DMXL1: variants seen among roughly 807,000 people sequenced by gnomAD.
DMXL1 encodes the protein Dmx like 1.
DMXL1 carries 99 observed loss-of-function variants against 319.2 expected under a neutral mutation model. That is an observed-to-expected ratio of 0.31 (90% CI 0.26 to 0.37). DMXL1 has a LOEUF of 0.37. Ranked by LOEUF, DMXL1 falls within the 10% of genes least tolerant of loss-of-function variation. The pLI is 1.00. For synonymous variants in DMXL1, 1,385 were observed against 1,235.2 expected (o/e 1.12, Z -2.54); for missense variants, 3,745 against 3,595.6 (o/e 1.04, Z -1.06).
intron 8 of DMXL1, among the ~76,000 whole-genome samples, chr5:119,120,549 T>G (rs759349079): frequency 1.1e-4 from 16 of 152,276 alleles, no homozygotes; most frequent in Non-Finnish European, 8.8e-5. Context: ...TTATGAAATG[T>G]TCCATGTGCA....
In DMXL1 at chr5:119,118,770, A is replaced by C. The variant is rs781056671; in HGVS notation, c.744-45A>C. 6 of 1,426,174 alleles carry C rather than the reference A, an allele frequency of 4.2e-6. No homozygotes were observed. In the African/African-American group the frequency reaches 8.6e-5, roughly 20 times the overall value. 88.3% of individuals were successfully genotyped at this position (1,426,174 alleles called of 1,614,324 possible). A position where few individuals can be genotyped will look rare whatever the true frequency, so the allele number is the denominator to read the frequency against. On this transcript the variant is annotated intron_variant, in intron 7 of 43. Transcript: ENST00000539542. ...AACATCGTAGAATTTCTGTGATACTATGTGAAATTTGTATTTTTGCTTCTA... is the reference window on the plus strand; with the variant it reads ...AACATCGTAGAATTTCTGTGATACTCTGTGAAATTTGTATTTTTGCTTCTA...
chr5:119,137,693 C>T (rs1766338139), intron 13 of DMXL1, among the ~76,000 whole-genome samples: 1 of 152,184 alleles, frequency 6.6e-6, no homozygotes, highest in African/African-American at 2.4e-5. Context: ...GCTTTCTTTC[C>T]TGCCACCTTG....
At chr5:119,227,563 G>A (rs1242643996) in intron 38 of DMXL1, among the ~76,000 whole-genome samples, 1 of 152,042 alleles carries the variant, frequency 6.6e-6, no homozygotes. Flanking sequence ...TCTTCTGTAA[G>A]GCAACCATGT....
chr5:119,161,001 T>C (rs936343882), intron 19 of DMXL1, among the ~76,000 whole-genome samples: 4 of 152,196 alleles, frequency 2.6e-5, no homozygotes, highest in Admixed American at 1.3e-4. Context: ...ATTGGAAATT[T>C]ATTAGTTTGT....
chr5:119,123,505 C>T (rs2149978492), intron 9 of DMXL1, among the ~76,000 whole-genome samples: 1 of 151,344 alleles, frequency 6.6e-6, no homozygotes, highest in African/African-American at 2.4e-5. Flanking sequence ...GTAGCAAGCT[C>T]ACTGATTTCT....
intron 32 of DMXL1, among the ~76,000 whole-genome samples, chr5:119,203,030 T>G (rs979924639): frequency 6.6e-6 from 1 of 151,542 alleles, no homozygotes; most frequent in African/African-American, 2.4e-5. Context: ...TGAAAACATA[T>G]GAAATTCAAA....
At position 119,149,612 on chromosome 5, in the gene DMXL1, T is replaced by G; in HGVS notation, c.3785T>G (p.Ile1262Arg). Reference sequence around the variant, plus strand: ...TCGTACAGTGGGAGCACTCCATCTATAACAAGTTTAATAAAACAGAGTAAC... The same window carrying G: ...TCGTACAGTGGGAGCACTCCATCTAGAACAAGTTTAATAAAACAGAGTAAC... The part of the protein sequence containing the change: ...TDSYSGSTPS[I>R]TSLIKQSNSS... Residue 1262 changes from isoleucine to arginine, a missense_variant, in exon 18 of 44, where the codon ATA becomes AGA. Transcript: ENST00000539542. 6.2e-7 allele frequency: 1 copy of G among 1,613,930 alleles called. No homozygotes were observed. The highest frequency in any genetic ancestry group is 8.5e-7 in the Non-Finnish European group (1 of 1,179,912).
In DMXL1 at chr5:119,147,460, G is replaced by A; in HGVS notation, c.2901G>A (p.Lys967=). 6.2e-7 allele frequency: 1 copy of A among 1,611,528 alleles called. No homozygotes were observed. The highest frequency in any genetic ancestry group is 8.5e-7 in the Non-Finnish European group (1 of 1,178,254). ...LPEGVEIISI[K]PSAGHLSSSS... is the part of the protein sequence containing the mutation. The stretch of plus-strand genomic sequence containing the variant: ...AAGGAGTTGAGATAATAAGTATTAA[G>A]CCATCAGCAGGTTTGTAAATTTTAT... Residue 967 remains lysine (K), a synonymous_variant, in exon 17 of 44, where the codon AAG becomes AAA. Coordinates refer to ENST00000539542, the MANE Select transcript of DMXL1 (RefSeq NM_001290321.3).
At chr5:119,153,046 C>T (rs758679016) in intron 19 of DMXL1, among the ~76,000 whole-genome samples, 36 of 151,564 alleles carry the variant, frequency 2.4e-4, no homozygotes, top group Non-Finnish European at 3.4e-4. Context: ...GTGTGATTTC[C>T]GCACACTGCA....
At chr5:119,127,233 C>T (rs1210389771) in intron 9 of DMXL1, 1 of 205,330 alleles carries the variant, frequency 4.9e-6, no homozygotes, top group African/African-American at 2.3e-5. Context: ...TTACAGTGCT[C>T]ACCATATTCA....
intron 28 of DMXL1, among the ~76,000 whole-genome samples, chr5:119,179,562 G>C (rs903996868): frequency 6.6e-6 from 1 of 152,112 alleles, no homozygotes; most frequent in Non-Finnish European, 1.5e-5. Context: ...TACCATGATT[G>C]ATGAATATTC....
At chr5:119,105,374 G>A in intron 4 of DMXL1, 116 bp downstream of exon 4, 1 of 737,202 alleles carries the variant, frequency 1.4e-6, no homozygotes, top group African/African-American at 1.8e-5. Context: ...GAATACCAAA[G>A]AAGTAAAATG....
At chr5:119,122,148 A>C (rs1296102823) in intron 9 of DMXL1, among the ~76,000 whole-genome samples, 4 of 85,076 alleles carry the variant, frequency 4.7e-5, no homozygotes, top group South Asian at 4.6e-4. Context: ...TGACCCCCCC[A>C]CCTCCCTCCC....
intron 28 of DMXL1, 133 bp downstream of exon 28, chr5:119,178,377 G>A: frequency 9.7e-7 from 1 of 1,034,282 alleles, no homozygotes. Context: ...TAAACAAATA[G>A]TCATACAGTG....
At chr5:119,170,028 GTGT>G (rs1360644066) in intron 23 of DMXL1, among the ~76,000 whole-genome samples, 159 bp from the exon 24 acceptor site, 1 of 152,144 alleles carries the variant, frequency 6.6e-6, no homozygotes, top group East Asian at 1.9e-4. Flanking sequence ...CATTATAAAT[GTGT>G]TGTTGTCTCT....
rs777735979 is a variant in DMXL1 at position 119,171,886 on chromosome 5, C to A, written c.6598C>A (p.His2200Asn). 6.2e-7 allele frequency: 1 copy of A among 1,613,772 alleles called. No homozygotes were observed. Among genetic ancestry groups the A allele is most frequent in the African/African-American group, 1.3e-5 (1 of 74,902 alleles). Residue 2200 changes from histidine (H) to asparagine (N), a missense_variant, in exon 25 of 44, where the codon CAC becomes AAC. Transcript: ENST00000539542. ...AKTVVANPLL[H>N]LSNLTHDILH... ...AACAGTAGTTGCCAATCCATTATTG[C>A]ACCTTAGTAATCTGACACATGATAT...
At chr5:119,159,176 A>G (rs1297411343) in intron 19 of DMXL1, among the ~76,000 whole-genome samples, 1 of 151,992 alleles carries the variant, frequency 6.6e-6, no homozygotes, top group African/African-American at 2.4e-5. Flanking sequence ...CTGTCACCCA[A>G]CGCTGGAGTG....
In DMXL1 at chr5:119,227,434, C is replaced by T. The variant is rs572086462; in HGVS notation, c.8338+2665C>T. 1.2e-3 allele frequency among the ~76,000 whole-genome samples: 181 copies of T among 152,192 alleles called. 1 individual carries two copies. Among genetic ancestry groups the T allele is most frequent in the Admixed American group, 2.0e-3 (31 of 15,264 alleles). Reference sequence around the variant, plus strand: ...AACCTCTTGAGGCTCAGAAGTCAAGCCAAGGACTTGCCATCTGATTTCACC... The same window carrying T: ...AACCTCTTGAGGCTCAGAAGTCAAGTCAAGGACTTGCCATCTGATTTCACC... On this transcript the variant is annotated intron_variant, in intron 38 of 43. Transcript: ENST00000539542.
chr5:119,167,683 A>G lies in DMXL1; in HGVS notation c.5217A>G (p.Ala1739=), dbSNP rs369593441. ...ATGAGTCTGAATTTGATACATCTGC[A>G]GCATATAAATCTATTTTACGTAAAA... is the stretch of plus-strand genomic sequence containing the variant. ...RLYESEFDTS[A]AYKSILRKKV... Residue 1739 remains alanine, a synonymous_variant, in exon 23 of 44, where the codon GCA becomes GCG. Coordinates refer to ENST00000539542, the MANE Select transcript of DMXL1 (RefSeq NM_001290321.3). The G allele has an allele frequency of 4.3e-6, 7 of 1,613,232 alleles. No individual in the cohort carries two copies. Among genetic ancestry groups the G allele is most frequent in the African/African-American group, 1.3e-5 (1 of 74,898 alleles).
Sources: allele counts gnomAD v4.1 joint callset (sites outside exome capture counted in the v4.1 genomes callset), GRCh38; gene constraint gnomAD v4.1.1; transcripts MANE v1.5; gene names NCBI Gene and HGNC (gene_info 2026-07-23, HGNC 2026-07-21).